ARAP2: variants seen among roughly 807,000 people sequenced by gnomAD.
ARAP2 encodes ArfGAP with RhoGAP domain, ankyrin repeat and PH domain 2.
ARAP2 carries 148 observed loss-of-function variants against 194.5 expected under a neutral mutation model. The observed-to-expected ratio is 0.76, with a 90% CI of 0.67 to 0.87. The LOEUF (loss-of-function observed/expected upper bound fraction) is 0.87. Ranked by LOEUF, ARAP2 falls within the 40% of genes least tolerant of loss-of-function variation. ARAP2 has a pLI of 0.00. For synonymous variants in ARAP2, 695 were observed against 683.5 expected (o/e 1.02, Z -0.26); for missense variants, 2,128 against 1,989.7 (o/e 1.07, Z -1.32).
chr4:36,063,361 G>A (rs1183984492), downstream of ARAP2, among the ~76,000 whole-genome samples: 1 of 151,156 alleles, frequency 6.6e-6, no homozygotes, highest in Non-Finnish European at 1.5e-5. Context: ...TAATGTAAAT[G>A]ACAAGTTAAT....
chr4:36,027,785 T>C (rs1198397426), intron 5 of ARAP2, among the ~76,000 whole-genome samples: 1 of 152,182 alleles, frequency 6.6e-6, no homozygotes, highest in Non-Finnish European at 1.5e-5. Flanking sequence ...GATCTGTTTA[T>C]GTCTAATGTG....
At chr4:36,025,830 T>A (rs1369701019) in intron 5 of ARAP2, among the ~76,000 whole-genome samples, 1 of 152,032 alleles carries the variant, frequency 6.6e-6, no homozygotes, top group Non-Finnish European at 1.5e-5. Flanking sequence ...GACTAAGAAG[T>A]TTGGTCTTAA....
intron 3 of ARAP2, among the ~76,000 whole-genome samples, chr4:36,048,647 T>C (rs1452549442): frequency 6.6e-6 from 1 of 152,176 alleles, no homozygotes; most frequent in Non-Finnish European, 1.5e-5. Flanking sequence ...TTTGCTATTG[T>C]GAATAGTGCT....
At chr4:36,156,417 AAG>A (rs1732468127) in intron 15 of ARAP2, among the ~76,000 whole-genome samples, 1 of 5,910 alleles carries the variant, frequency 1.7e-4, no homozygotes, top group African/African-American at 1.2e-3. Context: ...GAAAGAAAGA[AAG>A]AAAGAAAGAA....
In ARAP2 at chr4:36,085,510, T is replaced by G. The variant is rs891338190; in HGVS notation, c.4426-2060A>C. Among the ~76,000 whole-genome samples the G allele has an allele frequency of 2.6e-5, 4 of 152,086 alleles. No individual in the cohort carries two copies. The East Asian group carries it at 7.7e-4, about 29-fold the overall frequency. On this transcript the variant is annotated intron_variant, in intron 28 of 32. Coordinates refer to ENST00000303965, the MANE Select transcript of ARAP2 (RefSeq NM_015230.4). ...ATTAAAATTAAATTCTAACATAACA[T>G]TTTTTACCTAAATTTATGGCACTGC...
intron 1 of ARAP2, among the ~76,000 whole-genome samples, chr4:36,058,641 T>C (rs528027163): frequency 1.3e-5 from 2 of 152,318 alleles, no homozygotes; most frequent in East Asian, 3.9e-4. Context: ...GAAATCATTG[T>C]TCTTCTTCAA....
At chr4:36,019,273 T>C (rs984384777) in exon 6 of ARAP2, 1 of 149,378 alleles carries the variant, frequency 6.7e-6, no homozygotes, top group East Asian at 1.9e-4. Flanking sequence ...GGCATTTTGC[T>C]GATGTATCAT....
At chr4:36,020,552 G>A (rs1716743611) in intron 5 of ARAP2, among the ~76,000 whole-genome samples, 2 of 152,222 alleles carry the variant, frequency 1.3e-5, no homozygotes, top group African/African-American at 4.8e-5. Context: ...GCTGGGATGG[G>A]AGGGATGGAG....
intron 28 of ARAP2, among the ~76,000 whole-genome samples, chr4:36,084,469 C>T (rs1190610623): frequency 3.9e-5 from 6 of 151,968 alleles, no homozygotes; most frequent in African/African-American, 1.4e-4. Context: ...ATTTTCTATA[C>T]TGTTTGGATT....
intron 11 of ARAP2, among the ~76,000 whole-genome samples, chr4:36,161,891 G>A (rs1391142354): frequency 6.6e-6 from 1 of 151,462 alleles, no homozygotes; most frequent in Non-Finnish European, 1.5e-5. Flanking sequence ...GGCGGATCAC[G>A]AGGTCAGGAG....
Position 36,028,124 on chromosome 4 carries a change from A to G in ARAP2, n.608-8838T>C, listed in dbSNP as rs546769969. On this transcript the variant is annotated intron_variant and non_coding_transcript_variant, in intron 5 of 12. Transcript: ENST00000503225. ...AATGTGGTACAGAATTTTACTCGCT[A>G]ATGTTTTATTTATAATTTTACATCT... Among the ~76,000 whole-genome samples the G allele has an allele frequency of 1.4e-4, 22 of 152,270 alleles. No homozygotes were observed. The South Asian group carries it at 4.3e-3, about 30-fold the overall frequency.
At chr4:36,151,135 G>T in intron 15 of ARAP2, 91 bp from the exon 16 acceptor site, 1 of 1,097,968 alleles carries the variant, frequency 9.1e-7, no homozygotes, top group Non-Finnish European at 1.3e-6. Context: ...ATGGCTGGAT[G>T]CAAGTAAATA....
intron 19 of ARAP2, among the ~76,000 whole-genome samples, chr4:36,145,934 T>C (rs1357219139): frequency 1.3e-5 from 2 of 151,956 alleles, no homozygotes; most frequent in African/African-American, 2.4e-5. Context: ...TTCACTTAAT[T>C]TTAGACATGC....
chr4:36,049,308 T>C (rs1434777175), intron 3 of ARAP2, among the ~76,000 whole-genome samples: 1 of 152,168 alleles, frequency 6.6e-6, no homozygotes, highest in Non-Finnish European at 1.5e-5. Context: ...AAAAAAGAAA[T>C]GTATTCAATC....
At chr4:36,043,900 G>T (rs1345001182) in intron 5 of ARAP2, among the ~76,000 whole-genome samples, 1 of 146,526 alleles carries the variant, frequency 6.8e-6, no homozygotes, top group Non-Finnish European at 1.5e-5. Context: ...AAAAGGGAGA[G>T]GGAAAGAGAA....
At chr4:36,081,517 C>T (rs1560387189) in intron 30 of ARAP2, among the ~76,000 whole-genome samples, 1 of 152,100 alleles carries the variant, frequency 6.6e-6, no homozygotes, top group Non-Finnish European at 1.5e-5. Context: ...CATATATAGC[C>T]TTGCATGCCA....
At chr4:36,140,404 CTCTT>C in intron 19 of ARAP2, among the ~76,000 whole-genome samples, 1 of 151,766 alleles carries the variant, frequency 6.6e-6, no homozygotes, top group East Asian at 1.9e-4. Flanking sequence ...TTGTAATAGT[CTCTT>C]TCTTTTTTAA....
At position 36,052,988 on chromosome 4, in the gene ARAP2, C is replaced by T. The variant is rs115520884; in HGVS notation, n.322-935G>A. Among the ~76,000 whole-genome samples, 438 of 152,198 alleles carry T rather than the reference C, an allele frequency of 2.9e-3. 1 individual carries two copies. The highest frequency in any genetic ancestry group is 0.01 in the African/African-American group (423 of 41,540). Reference sequence around the variant, plus strand: ...ATTGCAAACATCTCAACAATTTCCCCTAAATACTTCAGCATGCAGGGTTTT... The same window carrying T: ...ATTGCAAACATCTCAACAATTTCCCTTAAATACTTCAGCATGCAGGGTTTT... On this transcript the variant is annotated intron_variant and non_coding_transcript_variant, in intron 2 of 12. Coordinates refer to the ARAP2 transcript ENST00000503225.
intron 6 of ARAP2, among the ~76,000 whole-genome samples, chr4:36,202,753 C>A (rs1744645990): frequency 6.6e-6 from 1 of 152,144 alleles, no homozygotes; most frequent in Non-Finnish European, 1.5e-5. Flanking sequence ...TTTACTTCTA[C>A]TCCTCCCCAA....
Sources: gnomAD v4.1 joint callset for allele counts (sites outside exome capture counted in the v4.1 genomes callset) on GRCh38, gnomAD v4.1.1 for gene constraint, MANE v1.5 for transcripts, NCBI Gene and HGNC (gene_info 2026-07-23, HGNC 2026-07-21) for gene names.